Variants in INSL6 observed in about 807,000 individuals in gnomAD.
INSL6 encodes insulin like 6.
INSL6 carries 16 observed loss-of-function variants against 9.4 expected under a neutral mutation model. That is an observed-to-expected ratio of 1.70 (90% confidence interval 1.15 to 2.59). The LOEUF is 2.59. Ranked by LOEUF, INSL6 falls within the 30% of genes most tolerant of loss-of-function variation. The probability of loss-of-function intolerance (pLI) is 0.00; values close to 1 mark genes in which losing one functional copy is unlikely to be tolerated. For missense variants in INSL6, 391 were observed against 257.3 expected, an observed-to-expected ratio of 1.52 and a Z score of -3.56; for synonymous variants, 154 against 96.9, an observed-to-expected ratio of 1.59 and a Z score of -3.46.
At chr9:5,162,185 T>C (rs1379181258), downstream of INSL6, among the ~76,000 whole-genome samples, 2 of 152,182 alleles carry the variant, frequency 1.3e-5, no homozygotes, top group Non-Finnish European at 2.9e-5. Flanking sequence ...TAACTTAACA[T>C]GGAGCCTCAA....
At chr9:5,108,641 C>G in the INSL6 span, 1 of 152,074 alleles carries the variant, frequency 6.6e-6, no homozygotes, top group Non-Finnish European at 1.5e-5. Context: ...AACTAGGCGG[C>G]TGCGGTATAA....
chr9:5,103,775 G>A, the INSL6 span, among the ~76,000 whole-genome samples: 20 of 152,116 alleles, frequency 1.3e-4, no homozygotes, highest in East Asian at 1.9e-3. Context: ...ACTCAAAACC[G>A]CACAACTTCA....
chr9:5,101,770 G>T, the INSL6 span, among the ~76,000 whole-genome samples: 1 of 152,182 alleles, frequency 6.6e-6, no homozygotes, highest in African/African-American at 2.4e-5. Flanking sequence ...AGTCTGGAGT[G>T]GACCTCCAGC....
the INSL6 span, chr9:5,077,623 T>A: frequency 8.3e-7 from 1 of 1,211,416 alleles, no homozygotes; most frequent in Admixed American, 2.9e-5. Flanking sequence ...TATTTTATTT[T>A]ATAAAACAAT....
the INSL6 span, among the ~76,000 whole-genome samples, chr9:5,001,304 ATTAAG>A: frequency 1.3e-5 from 2 of 152,188 alleles, no homozygotes; most frequent in African/African-American, 4.8e-5. Context: ...ATATGTAATC[ATTAAG>A]TAATAGAAGG....
the INSL6 span, among the ~76,000 whole-genome samples, chr9:5,000,264 A>T: frequency 6.6e-6 from 1 of 152,154 alleles, no homozygotes; most frequent in Non-Finnish European, 1.5e-5. Context: ...AAGGAGGTAC[A>T]TAATGTGACA....
chr9:5,111,947 C>T, the INSL6 span: 10 of 348,022 alleles, frequency 2.9e-5, no homozygotes, highest in African/African-American at 6.6e-5. Context: ...CAAGCAATAA[C>T]TTGTGGTCCA....
chr9:5,042,019 G>T, the INSL6 span: 4 of 324,308 alleles, frequency 1.2e-5, no homozygotes, highest in Non-Finnish European at 1.8e-5. Flanking sequence ...GCGGCCCAGG[G>T]CCAGACGCTG....
At chr9:5,057,135 A>G in the INSL6 span, among the ~76,000 whole-genome samples, 2 of 152,000 alleles carry the variant, frequency 1.3e-5, no homozygotes, top group African/African-American at 2.4e-5. Flanking sequence ...TTTTTCAGTA[A>G]TTCTTGATCA....
chr9:5,119,241 T>A (rs894523028), downstream of INSL6, among the ~76,000 whole-genome samples: 1 of 152,216 alleles, frequency 6.6e-6, no homozygotes, highest in Admixed American at 6.5e-5. Flanking sequence ...AGTCACTAAA[T>A]ATATTAATAA....
chr9:5,175,710 G>T (rs1247760052), intron 1 of INSL6, among the ~76,000 whole-genome samples: 3 of 152,220 alleles, frequency 2.0e-5, no homozygotes, highest in Non-Finnish European at 4.4e-5. Flanking sequence ...TCTTATAGGA[G>T]TGTGAACCCT....
chr9:5,163,142 G>A (rs1465393975), downstream of INSL6, among the ~76,000 whole-genome samples: 1 of 152,082 alleles, frequency 6.6e-6, no homozygotes, highest in Non-Finnish European at 1.5e-5. Context: ...ACAGATTGCT[G>A]ACCCCCATAC....
chr9:5,175,717 C>A (rs931821312), intron 1 of INSL6, among the ~76,000 whole-genome samples: 1 of 152,094 alleles, frequency 6.6e-6, no homozygotes, highest in Non-Finnish European at 1.5e-5. Flanking sequence ...GGAGTGTGAA[C>A]CCTATTGTGA....
chr9:5,181,342 CAATT>C, intron 1 of INSL6, among the ~76,000 whole-genome samples: 1 of 151,486 alleles, frequency 6.6e-6, no homozygotes, highest in Non-Finnish European at 1.5e-5. Context: ...AATAAATGAC[CAATT>C]AAATAAAATA....
chr9:5,153,857 T>C (rs572806264), intron 2 of INSL6, among the ~76,000 whole-genome samples: 21 of 152,336 alleles, frequency 1.4e-4, no homozygotes, highest in African/African-American at 4.1e-4. Flanking sequence ...TCCATGCTCA[T>C]GGATAGAAAG....
the INSL6 span, among the ~76,000 whole-genome samples, chr9:5,010,246 T>C: frequency 1.3e-5 from 2 of 152,216 alleles, no homozygotes; most frequent in Non-Finnish European, 2.9e-5. Flanking sequence ...TTTTAGCTAC[T>C]GTTGTTACCT....
At chr9:5,031,127 C>G in the INSL6 span, among the ~76,000 whole-genome samples, 1 of 152,084 alleles carries the variant, frequency 6.6e-6, no homozygotes, top group African/African-American at 2.4e-5. Flanking sequence ...TGGAATATTA[C>G]AAAGATCAAT....
the INSL6 span, among the ~76,000 whole-genome samples, chr9:5,058,543 G>A: frequency 2.0e-3 from 299 of 152,282 alleles, no homozygotes; most frequent in Non-Finnish European, 3.8e-3. Flanking sequence ...GTTGGGTGGG[G>A]ACGCAGAGCC....
the INSL6 span, among the ~76,000 whole-genome samples, chr9:5,038,435 C>T: frequency 1.3e-5 from 2 of 152,032 alleles, no homozygotes; most frequent in Admixed American, 6.6e-5. Context: ...TTCAGTATTA[C>T]CCTGATAACA....
Sources: allele counts gnomAD v4.1 joint callset (sites outside exome capture counted in the v4.1 genomes callset), GRCh38; gene constraint gnomAD v4.1.1; transcripts MANE v1.5; gene names NCBI Gene and HGNC (gene_info 2026-07-23, HGNC 2026-07-21).